ROBO2: variants seen among roughly 807,000 people sequenced by gnomAD.
ROBO2 encodes roundabout homolog 2.
A neutral mutation model predicts 160.8 loss-of-function variants in ROBO2; 53 were observed. The ratio of observed to expected loss-of-function variants is 0.33; its 90% CI spans 0.26 to 0.41. The LOEUF (loss-of-function observed/expected upper bound fraction) is 0.41. Among genes scored for constraint, ROBO2 ranks in the 10% least tolerant of loss-of-function variants. The probability of loss-of-function intolerance (pLI) is 1.00; values close to 1 mark genes in which losing one functional copy is unlikely to be tolerated. For missense variants in ROBO2, 1,577 were observed against 1,722.4 expected (o/e 0.92, Z 1.49); for synonymous variants, 664 against 611.7 (o/e 1.09, Z -1.26).
intron 2 of ROBO2, among the ~76,000 whole-genome samples, chr3:76,775,601 A>G (rs1308574314): frequency 1.3e-5 from 2 of 150,732 alleles, no homozygotes; most frequent in Non-Finnish European, 3.0e-5. Context: ...CAAATATAAA[A>G]CTTATTAATG....
At chr3:76,418,178 C>T (rs1324112606) in intron 2 of ROBO2, among the ~76,000 whole-genome samples, 3 of 151,676 alleles carry the variant, frequency 2.0e-5, no homozygotes, top group Admixed American at 6.6e-5. Context: ...TAACTAGGGA[C>T]TTGCCAATGG....
intron 2 of ROBO2, among the ~76,000 whole-genome samples, chr3:77,151,468 C>T (rs1305039100): frequency 6.6e-6 from 1 of 152,048 alleles, no homozygotes. Context: ...TCTTGTCTCT[C>T]TTTTCTGGAA....
intron 2 of ROBO2, among the ~76,000 whole-genome samples, chr3:76,261,500 A>G (rs1016390104): frequency 6.6e-6 from 1 of 151,970 alleles, no homozygotes; most frequent in Non-Finnish European, 1.5e-5. Context: ...TGGATTTAAT[A>G]TACAATTATG....
At chr3:77,549,879 C>T (rs531101105) in intron 7 of ROBO2, among the ~76,000 whole-genome samples, 1 of 152,028 alleles carries the variant, frequency 6.6e-6, no homozygotes, top group Non-Finnish European at 1.5e-5. Flanking sequence ...TATGGAGAAA[C>T]AGATCCCAGA....
In ROBO2 at chr3:76,489,807, C is replaced by A. The variant is rs1198886308; in HGVS notation, c.109+552205C>A. Among the ~76,000 whole-genome samples, 4 of 151,830 alleles carry A rather than the reference C, an allele frequency of 2.6e-5. No individual in the cohort carries two copies. In the East Asian group the frequency reaches 7.7e-4, roughly 29 times the overall value. ...AAATAAAAAAGATATTATAAATATT[C>A]TTTTATAAACATTTTAATATTTTAA... On this transcript the variant is annotated intron_variant, in intron 2 of 26. Coordinates refer to the ROBO2 transcript ENST00000487694.
At chr3:77,300,695 C>T (rs1215821533) in intron 2 of ROBO2, among the ~76,000 whole-genome samples, 5 of 152,004 alleles carry the variant, frequency 3.3e-5, no homozygotes, top group Non-Finnish European at 7.4e-5. Context: ...TACTTTCTCA[C>T]TATCTCCTCT....
intron 2 of ROBO2, among the ~76,000 whole-genome samples, chr3:76,789,636 T>G (rs2063219486): frequency 6.6e-6 from 1 of 151,694 alleles, no homozygotes; most frequent in African/African-American, 2.4e-5. Context: ...TCAAAGAAGC[T>G]GCCCAAGTTC....
chr3:76,584,796 T>A lies in ROBO2; in HGVS notation c.110-513218T>A, dbSNP rs1224672866. On this transcript the variant is annotated intron_variant, in intron 2 of 26. Transcript: ENST00000487694. ...ACCTGGCCTTGATAATAATATGCTC[T>A]GTGTATAGGAACGACTTCTGTCTTC... 3.3e-5 allele frequency among the ~76,000 whole-genome samples: 5 copies of A among 152,204 alleles called. No homozygotes were observed. The East Asian group carries it at 9.6e-4, about 29-fold the overall frequency.
chr3:76,073,267 CTTTTTTTTTTTTTTTTTTTTTTTTT>C lies in ROBO2; in HGVS notation c.109+135685_109+135709del, dbSNP rs869307615. On this transcript the variant is annotated intron_variant, in intron 2 of 26. Transcript: ENST00000487694. ...TTGTAAACTTCTCAGAATGAGTATT[CTTTTTTTTTTTTTTTTTTTTTTTTT>C]TTTTTTTTTTTTTTTTTTTGAGACG... Among the ~76,000 whole-genome samples the C allele has an allele frequency of 3.1e-4, 18 of 57,402 alleles. 1 individual carries two copies. Among genetic ancestry groups the C allele is most frequent in the East Asian group, 2.7e-3 (5 of 1,820 alleles). The allele number at this position is 57,402 out of a possible 152,430, so 37.7% of individuals were successfully genotyped here.
At chr3:76,055,166 T>G (rs575438382) in intron 2 of ROBO2, among the ~76,000 whole-genome samples, 1 of 152,224 alleles carries the variant, frequency 6.6e-6, no homozygotes, top group South Asian at 2.1e-4. Flanking sequence ...TGAGACTTAT[T>G]CAATATCACA....
chr3:76,523,762 G>A (rs9815367), intron 2 of ROBO2, among the ~76,000 whole-genome samples: 11,594 of 152,072 alleles, frequency 0.076, 802 homozygotes, highest in African/African-American at 0.18. Context: ...AACAACCTCC[G>A]TGAGAAACGC....
intron 2 of ROBO2, among the ~76,000 whole-genome samples, chr3:76,336,221 G>T (rs541668245): frequency 1.0e-5 from 1 of 99,264 alleles, no homozygotes; most frequent in East Asian, 4.0e-4. Context: ...CTGTATGTAC[G>T]TAGCAAGAAG....
intron 2 of ROBO2, among the ~76,000 whole-genome samples, chr3:76,636,649 A>G (rs2090349403): frequency 6.6e-6 from 1 of 152,142 alleles, no homozygotes; most frequent in African/African-American, 2.4e-5. Flanking sequence ...CAGAATTTTG[A>G]GCAAAAGTCT....
At position 76,371,405 on chromosome 3, in the gene ROBO2, A is replaced by G. The variant is rs1011511427; in HGVS notation, c.109+433803A>G. Among the ~76,000 whole-genome samples the G allele has an allele frequency of 9.2e-5, 14 of 152,098 alleles. No homozygotes were observed. In the East Asian group the frequency reaches 9.7e-4, roughly 11 times the overall value. Reference sequence around the variant, plus strand: ...TTGACTGCACATTTGCTGATGTGAGAAAAAGCAAAACAAGAAACTTAAAGA... The same window carrying G: ...TTGACTGCACATTTGCTGATGTGAGGAAAAGCAAAACAAGAAACTTAAAGA... On this transcript the variant is annotated intron_variant, in intron 2 of 26. Coordinates refer to the ROBO2 transcript ENST00000487694.
intron 2 of ROBO2, among the ~76,000 whole-genome samples, chr3:77,285,802 AC>A (rs1162433891): frequency 6.6e-6 from 1 of 152,216 alleles, no homozygotes; most frequent in Non-Finnish European, 1.5e-5. Flanking sequence ...AAATGAACAA[AC>A]AAAAAATCCA....
At chr3:77,175,773 G>A (rs1196658517) in intron 2 of ROBO2, among the ~76,000 whole-genome samples, 1 of 151,982 alleles carries the variant, frequency 6.6e-6, no homozygotes. Context: ...ATAAGGAGCT[G>A]CTATCTGAAC....
At chr3:76,281,818 G>T (rs963801836) in intron 2 of ROBO2, among the ~76,000 whole-genome samples, 13 of 151,922 alleles carry the variant, frequency 8.6e-5, no homozygotes, top group Admixed American at 5.3e-4. Context: ...GGTATGAAAA[G>T]ATTTTTCCTG....
chr3:77,122,673 T>TA (rs2150280360), intron 2 of ROBO2, among the ~76,000 whole-genome samples: 1 of 152,222 alleles, frequency 6.6e-6, no homozygotes, highest in South Asian at 2.1e-4. Flanking sequence ...GATGACAACA[T>TA]AAAAAATGAA....
At chr3:76,188,879 A>G (rs1701881585) in intron 2 of ROBO2, among the ~76,000 whole-genome samples, 1 of 152,082 alleles carries the variant, frequency 6.6e-6, no homozygotes, top group Non-Finnish European at 1.5e-5. Flanking sequence ...ATAAAGATAC[A>G]GTGTTGGAGA....
Sources: gnomAD v4.1 joint callset for allele counts (sites outside exome capture counted in the v4.1 genomes callset) on GRCh38, gnomAD v4.1.1 for gene constraint, MANE v1.5 for transcripts, NCBI Gene and HGNC (gene_info 2026-07-23, HGNC 2026-07-21) for gene names.